The following LMBRD2 variants were observed in gnomAD, a reference collection of about 807,000 sequenced individuals.
LMBRD2 encodes LMBR1 domain containing 2.
In LMBRD2, 55 loss-of-function variants were observed where a neutral mutation model predicts 94.4. The observed-to-expected ratio is 0.58, with a 90% CI of 0.47 to 0.73. The LOEUF is 0.73. Among genes scored for constraint, LMBRD2 ranks in the 30% least tolerant of loss-of-function variants. The probability of loss-of-function intolerance (pLI) is 0.00; values close to 1 mark genes in which losing one functional copy is unlikely to be tolerated. For missense variants in LMBRD2, 640 were observed against 831.9 expected, an observed-to-expected ratio of 0.77 and a Z score of 2.84; for synonymous variants, 246 against 272.4, an observed-to-expected ratio of 0.90 and a Z score of 0.95.
Position 36,136,310 on chromosome 5 carries a change from T to G in LMBRD2, c.746A>C (p.Glu249Ala). Reference protein sequence around the residue: ...DAEENLEDAMEEVRKVNESIK... With the variant: ...DAEENLEDAMAEVRKVNESIK... ...CTTATAAGGTTCAAACTTGCTTACCTCCATGGCATCTTCCAAATTCTCTTC... is the reference window on the plus strand; with the variant it reads ...CTTATAAGGTTCAAACTTGCTTACCGCCATGGCATCTTCCAAATTCTCTTC... Residue 249 changes from glutamate to alanine, a missense_variant and splice_region_variant, in exon 6 of 18, where the codon GAG becomes GCG. Glu to Ala is a moderately radical substitution (Grantham distance 107, BLOSUM62 -1). Coordinates refer to ENST00000296603, the MANE Select transcript of LMBRD2 (RefSeq NM_001007527.2). The G allele has an allele frequency of 6.2e-7, 1 of 1,613,884 alleles. No homozygotes were observed. The highest frequency in any genetic ancestry group is 8.5e-7 in the Non-Finnish European group (1 of 1,179,754).
chr5:36,124,249 T>C lies in LMBRD2; in HGVS notation c.764A>G (p.Asn255Ser). 6.3e-7 allele frequency: 1 copy of C among 1,584,380 alleles called. No homozygotes were observed. Among genetic ancestry groups the C allele is most frequent in the Non-Finnish European group, 8.7e-7 (1 of 1,154,792 alleles). Residue 255 changes from asparagine (N) to serine (S), a missense_variant, in exon 7 of 18, where the codon AAT (asparagine) becomes AGT (serine). Asn to Ser is a conservative substitution (Grantham distance 46). Around this residue, in one of 2 missense-constraint regions of LMBRD2, gnomAD observed 457 missense variants for 642.8 expected, o/e 0.71. Transcript: ENST00000296603. Reference protein sequence around the residue: ...EDAMEEVRKVNESIKYNHPLR... With the variant: ...EDAMEEVRKVSESIKYNHPLR... ...TGGGTGATTATACTTGATGCTTTCA[T>C]TCACTTTACGAACCTCCTATAAAAA...
chr5:36,124,133 G>T, intron 7 of LMBRD2, 58 bp downstream of exon 7: 2 of 957,348 alleles, frequency 2.1e-6, no homozygotes, highest in South Asian at 1.7e-5. Flanking sequence ...TGGTACTTTT[G>T]GTATAATATT....
chr5:36,120,452 G>C (rs1004237145), intron 9 of LMBRD2, among the ~76,000 whole-genome samples: 1 of 152,108 alleles, frequency 6.6e-6, no homozygotes. Flanking sequence ...GTAGAGACGG[G>C]GTTTCACCAT....
intron 13 of LMBRD2, 119 bp from the exon 14 acceptor site, chr5:36,111,377 A>C: frequency 2.7e-6 from 2 of 727,818 alleles, no homozygotes; most frequent in Non-Finnish European, 2.4e-6. Flanking sequence ...CTGTTATCAT[A>C]TAGTTATCTA....
intron 1 of LMBRD2, among the ~76,000 whole-genome samples, chr5:36,146,410 G>A (rs547932461): frequency 2.0e-5 from 3 of 152,150 alleles, no homozygotes; most frequent in African/African-American, 7.2e-5. Context: ...TCACACTGTC[G>A]CCCAGGCCGG....
chr5:36,123,891 T>C (rs1743945296), intron 7 of LMBRD2, among the ~76,000 whole-genome samples: 2 of 151,854 alleles, frequency 1.3e-5, no homozygotes, highest in South Asian at 2.1e-4. Flanking sequence ...ATAGGAGATA[T>C]GCCTTTAGTG....
chr5:36,143,541 T>A (rs1744467637), intron 1 of LMBRD2, 135 bp from the exon 2 acceptor site: 3 of 410,256 alleles, frequency 7.3e-6, no homozygotes, highest in Non-Finnish European at 1.3e-5. Context: ...CATTGGACTA[T>A]GAATAAGATT....
At chr5:36,125,751 GA>G (rs1264105999) in intron 6 of LMBRD2, among the ~76,000 whole-genome samples, 1 of 152,078 alleles carries the variant, frequency 6.6e-6, no homozygotes, top group African/African-American at 2.4e-5. Context: ...GCTTAATGAG[GA>G]AAACAAACAT....
At chr5:36,105,236 T>C (rs1743438190) in intron 16 of LMBRD2, 39 bp from the exon 17 acceptor site, 1 of 1,600,438 alleles carries the variant, frequency 6.2e-7, no homozygotes. Context: ...TTCCCTACTG[T>C]CTTTTAACTT....
intron 1 of LMBRD2, among the ~76,000 whole-genome samples, chr5:36,149,373 A>T (rs1485802378): frequency 6.6e-6 from 1 of 152,248 alleles, no homozygotes; most frequent in East Asian, 1.9e-4. Context: ...ATAACAGAAA[A>T]GTCCAATATA....
chr5:36,126,876 A>C (rs1343809540), intron 6 of LMBRD2, among the ~76,000 whole-genome samples: 1 of 152,250 alleles, frequency 6.6e-6, no homozygotes, highest in Non-Finnish European at 1.5e-5. Context: ...TTCAAAGCCA[A>C]GATATAGCTT....
At chr5:36,140,695 G>A (rs1255496404) in intron 4 of LMBRD2, among the ~76,000 whole-genome samples, 2 of 152,142 alleles carry the variant, frequency 1.3e-5, no homozygotes, top group Admixed American at 1.3e-4. Context: ...TTGTTAGGGA[G>A]CACAAGAGAG....
chr5:36,108,925 C>T (rs1743538365), intron 15 of LMBRD2, among the ~76,000 whole-genome samples: 1 of 152,104 alleles, frequency 6.6e-6, no homozygotes, highest in South Asian at 2.1e-4. Context: ...TACAAGCTTA[C>T]TTTGACCATG....
chr5:36,142,785 C>T (rs931547944), intron 2 of LMBRD2, 186 bp from the exon 3 acceptor site: 11 of 423,466 alleles, frequency 2.6e-5, no homozygotes, highest in South Asian at 1.2e-4. Context: ...AGTGCAGTGG[C>T]GCGATCTCGG....
Position 36,151,876 on chromosome 5 carries a change from C to G in LMBRD2, c.-378G>C. 2 of 286,790 alleles carry G rather than the reference C, an allele frequency of 7.0e-6. No individual in the cohort carries two copies. Among genetic ancestry groups the G allele is most frequent in the Non-Finnish European group, 1.3e-5 (2 of 149,076 alleles). The allele number at this position is 286,790 out of a possible 1,614,324, so 17.8% of individuals were successfully genotyped here. A position where few individuals can be genotyped will look rare whatever the true frequency, so the allele number is the denominator to read the frequency against. On this transcript the variant is annotated 5_prime_UTR_variant, in exon 1 of 18. The change abolishes an upstream ATG in the 5' untranslated region. Coordinates refer to ENST00000296603, the MANE Select transcript of LMBRD2 (RefSeq NM_001007527.2). The surrounding 1 kb of genome is among the most constrained non-coding windows in gnomAD (Gnocchi z 4.7). ...AATCCGTCTACAGTCCAGCGGCTGA[C>G]ATTTCCCAGTCAGCCGTAGCGCCGC...
At chr5:36,119,805 A>T (rs1011449951) in intron 9 of LMBRD2, among the ~76,000 whole-genome samples, 5 of 152,138 alleles carry the variant, frequency 3.3e-5, no homozygotes, top group Non-Finnish European at 2.9e-5. Context: ...CATTTCATTG[A>T]GAAAACAGAA....
At chr5:36,143,121 T>C in intron 2 of LMBRD2, 55 bp downstream of exon 2, 1 of 1,159,832 alleles carries the variant, frequency 8.6e-7, no homozygotes, top group Non-Finnish European at 1.2e-6. Flanking sequence ...ATTTCCAACA[T>C]GCTGTATGAT....
At chr5:36,111,116 A>C in intron 14 of LMBRD2, 39 bp downstream of exon 14, 1 of 1,172,366 alleles carries the variant, frequency 8.5e-7, no homozygotes, top group Non-Finnish European at 1.3e-6. Flanking sequence ...CTTAGCACTT[A>C]GTATTTTCCC....
intron 11 of LMBRD2, 96 bp downstream of exon 11, chr5:36,116,364 G>T: frequency 9.4e-7 from 1 of 1,067,818 alleles, no homozygotes. Context: ...AAATATAGAT[G>T]TTAGTGGAAC....
Sources: gnomAD v4.1 joint callset for allele counts (sites outside exome capture counted in the v4.1 genomes callset) on GRCh38, gnomAD v4.1.1 for gene constraint, gnomAD v4.1.1 regional missense constraint, Gnocchi (gnomAD v3.1) non-coding constraint, MANE v1.5 for transcripts, NCBI Gene and HGNC (gene_info 2026-07-23, HGNC 2026-07-21) for gene names.